The following LRRC7 variants were observed in gnomAD, a reference collection of about 807,000 sequenced individuals.
The protein encoded by LRRC7 is leucine rich repeat containing 7.
Under a neutral mutation model 175.7 loss-of-function variants are expected in LRRC7, and 23 were observed. The ratio of observed to expected loss-of-function variants is 0.13; its 90% confidence interval spans 0.09 to 0.19. LRRC7 has a LOEUF of 0.19. Ranked by LOEUF, LRRC7 falls within the 10% of genes least tolerant of loss-of-function variation. The pLI is 1.00. For synonymous variants in LRRC7, 685 were observed against 680.9 expected, an observed-to-expected ratio of 1.01 and a Z score of -0.09; for missense variants, 1,354 against 1,904.7, an observed-to-expected ratio of 0.71 and a Z score of 5.38.
At position 70,138,622 on chromosome 1, in the gene LRRC7, T is replaced by C. The variant is rs1040074808; in HGVS notation, c.*16735T>C. ...GAGGATTAATCAAATTGTTTCAAAA[T>C]TTTTAAGGAGCCAAATTTAAATTCT... is the stretch of plus-strand genomic sequence containing the variant. On this transcript the variant is annotated 3_prime_UTR_variant, in exon 27 of 27. Transcript: ENST00000651989. 3 of 152,212 alleles carry C rather than the reference T, an allele frequency of 2.0e-5. No homozygotes were observed. Among genetic ancestry groups the C allele is most frequent in the African/African-American group, 7.2e-5 (3 of 41,458 alleles). 9.4% of individuals were successfully genotyped at this position (152,212 alleles called of 1,614,324 possible).
intron 1 of LRRC7, among the ~76,000 whole-genome samples, chr1:69,677,029 A>G (rs558288574): frequency 1.9e-4 from 29 of 151,884 alleles, no homozygotes; most frequent in Admixed American, 1.4e-3. Flanking sequence ...GTAAGAACAT[A>G]TGGTATTTGG....
intron 26 of LRRC7, among the ~76,000 whole-genome samples, chr1:70,118,529 G>T (rs1201030221): frequency 6.6e-6 from 1 of 152,082 alleles, no homozygotes; most frequent in Non-Finnish European, 1.5e-5. Context: ...TTTTTTAAGG[G>T]AAAAATGTTC....
chr1:69,697,984 T>A (rs1662830386), intron 2 of LRRC7, among the ~76,000 whole-genome samples: 1 of 152,206 alleles, frequency 6.6e-6, no homozygotes, highest in Non-Finnish European at 1.5e-5. Flanking sequence ...GAGCTTTGCA[T>A]CTGTGCTCAC....
intron 23 of LRRC7, among the ~76,000 whole-genome samples, chr1:70,061,637 A>G (rs566637729): frequency 5.3e-5 from 8 of 152,312 alleles, no homozygotes; most frequent in East Asian, 1.9e-4. Context: ...CATTTCTTAA[A>G]CAGAAATTAT....
chr1:69,635,318 C>A (rs565525394), intron 1 of LRRC7, among the ~76,000 whole-genome samples: 1 of 151,778 alleles, frequency 6.6e-6, no homozygotes, highest in Non-Finnish European at 1.5e-5. Flanking sequence ...TTAAGCTTAG[C>A]GAAAGTGATT....
intron 24 of LRRC7, among the ~76,000 whole-genome samples, chr1:70,083,260 T>G (rs1004826040): frequency 6.6e-6 from 1 of 152,218 alleles, no homozygotes; most frequent in African/African-American, 2.4e-5. Context: ...TGAGCCTATT[T>G]CATGGGCTTA....
At chr1:69,818,822 C>A (rs760019248) in intron 4 of LRRC7, among the ~76,000 whole-genome samples, 4 of 151,984 alleles carry the variant, frequency 2.6e-5, no homozygotes, top group Non-Finnish European at 5.9e-5. Flanking sequence ...TCAGTCTAAG[C>A]AGGCTCTATA....
chr1:70,095,781 A>G (rs577926138), intron 25 of LRRC7, among the ~76,000 whole-genome samples: 1 of 152,300 alleles, frequency 6.6e-6, no homozygotes, highest in African/African-American at 2.4e-5. Flanking sequence ...ATAAATGCAT[A>G]TATGTGTACT....
Position 70,134,287 on chromosome 1 carries a change from G to A in LRRC7, c.*12400G>A, listed in dbSNP as rs889777909. ...TGGGTGCTGAAGGCAGAGAACCCCTGGCGGCCTTGGTGACATGTGTCCTCA... is the reference window on the plus strand; with the variant it reads ...TGGGTGCTGAAGGCAGAGAACCCCTAGCGGCCTTGGTGACATGTGTCCTCA... On this transcript the variant is annotated 3_prime_UTR_variant, in exon 27 of 27. Transcript: ENST00000651989. Among the ~76,000 whole-genome samples the A allele has an allele frequency of 1.3e-5, 2 of 152,194 alleles. No homozygotes were observed. Among genetic ancestry groups the A allele is most frequent in the African/African-American group, 4.8e-5 (2 of 41,452 alleles).
intron 7 of LRRC7, among the ~76,000 whole-genome samples, chr1:69,921,049 C>T (rs1646874438): frequency 6.6e-6 from 1 of 152,096 alleles, no homozygotes; most frequent in Non-Finnish European, 1.5e-5. Context: ...AAAACATTGG[C>T]CAAGGTTTCA....
At chr1:69,844,461 A>G (rs1272383608) in intron 7 of LRRC7, among the ~76,000 whole-genome samples, 1 of 152,112 alleles carries the variant, frequency 6.6e-6, no homozygotes, top group Non-Finnish European at 1.5e-5. Context: ...TCCTTCTGTG[A>G]TTAGCCTATG....
chr1:69,739,220 GA>G (rs1313412805), intron 2 of LRRC7, among the ~76,000 whole-genome samples: 1 of 152,042 alleles, frequency 6.6e-6, no homozygotes, highest in Middle Eastern at 3.2e-3. Context: ...GAAAATGAGA[GA>G]TAGAGGGGAG....
At chr1:69,726,859 G>A (rs1667038827) in intron 2 of LRRC7, among the ~76,000 whole-genome samples, 2 of 152,118 alleles carry the variant, frequency 1.3e-5, no homozygotes, top group Admixed American at 1.3e-4. Context: ...CATAGAATCT[G>A]GTGGTTAAGA....
At chr1:69,975,894 G>GT (rs542813073) in intron 8 of LRRC7, among the ~76,000 whole-genome samples, 8,221 of 145,372 alleles carry the variant, frequency 0.057, 208 homozygotes, top group South Asian at 0.11. Flanking sequence ...AATTTACTCA[G>GT]TTTTTTTTTT....
chr1:69,758,757 G>A (rs1240767597), intron 2 of LRRC7, among the ~76,000 whole-genome samples: 2 of 151,896 alleles, frequency 1.3e-5, no homozygotes, highest in African/African-American at 4.8e-5. Flanking sequence ...AGAACATGCA[G>A]TATTTGGTTT....
intron 18 of LRRC7, among the ~76,000 whole-genome samples, chr1:70,030,856 A>T (rs746368176): frequency 2.0e-5 from 3 of 152,236 alleles, no homozygotes; most frequent in Non-Finnish European, 4.4e-5. Flanking sequence ...AGATGCCAAT[A>T]GTTTTAACAT....
chr1:69,738,135 C>T (rs1668319942), intron 2 of LRRC7, among the ~76,000 whole-genome samples: 1 of 151,966 alleles, frequency 6.6e-6, no homozygotes, highest in Non-Finnish European at 1.5e-5. Context: ...TAAGGAGGAC[C>T]ATCTATGTCT....
At chr1:70,105,142 G>C (rs190029573) in intron 25 of LRRC7, among the ~76,000 whole-genome samples, 3 of 152,326 alleles carry the variant, frequency 2.0e-5, no homozygotes, top group Admixed American at 2.0e-4. Flanking sequence ...AGTGTGGAAA[G>C]AACCATGGGG....
chr1:70,107,022 G>A (rs57977150), intron 25 of LRRC7, among the ~76,000 whole-genome samples: 19,537 of 152,152 alleles, frequency 0.13, 1,738 homozygotes, highest in African/African-American at 0.25. Flanking sequence ...ATTAAAGTCA[G>A]AAACTATATT....
Sources: allele counts gnomAD v4.1 joint callset (sites outside exome capture counted in the v4.1 genomes callset), GRCh38; gene constraint gnomAD v4.1.1; transcripts MANE v1.5; gene names NCBI Gene and HGNC (gene_info 2026-07-23, HGNC 2026-07-21).